DACH2: variants seen among roughly 807,000 people sequenced by gnomAD.
DACH2 encodes the protein dachshund homolog 2.
A neutral mutation model predicts 35.8 loss-of-function variants in DACH2; 17 were observed. The observed-to-expected ratio is 0.48, with a 90% CI of 0.33 to 0.71. DACH2 has a LOEUF of 0.71. Ranked by LOEUF, DACH2 falls within the 30% of genes least tolerant of loss-of-function variation. DACH2 has a pLI of 0.02. For missense variants in DACH2, 469 were observed against 472.7 expected (o/e 0.99, Z 0.07); for synonymous variants, 195 against 177.3 (o/e 1.10, Z -0.79).
chrX:86,653,025 G>C (rs762832686), intron 4 of DACH2, among the ~76,000 whole-genome samples: 1 of 111,803 alleles, frequency 8.9e-6, no homozygotes, highest in Non-Finnish European at 1.9e-5. Flanking sequence ...GTCCAAAATG[G>C]TATTTCCTAG....
intron 7 of DACH2, among the ~76,000 whole-genome samples, chrX:86,761,106 C>T (rs1396432119): frequency 9.0e-6 from 1 of 111,071 alleles, no homozygotes; most frequent in African/African-American, 3.3e-5. Flanking sequence ...TATACATGTG[C>T]CATGGTGGTT....
intron 2 of DACH2, among the ~76,000 whole-genome samples, chrX:86,488,405 T>C (rs183456642): frequency 9.0e-6 from 1 of 111,093 alleles, no homozygotes; most frequent in East Asian, 2.8e-4. Context: ...TTTAATATTC[T>C]TGGATTATTT....
intron 1 of DACH2, among the ~76,000 whole-genome samples, chrX:86,349,663 T>G (rs1309973053): frequency 8.9e-6 from 1 of 112,338 alleles, no homozygotes; most frequent in East Asian, 2.8e-4. Context: ...CAAGAACAAG[T>G]TGAGCTTTCC....
At chrX:86,457,389 T>C (rs756369305) in intron 2 of DACH2, among the ~76,000 whole-genome samples, 2 of 112,037 alleles carry the variant, frequency 1.8e-5, no homozygotes, top group African/African-American at 6.5e-5. Flanking sequence ...TTATGACTGA[T>C]TTAGAGCAGC....
At chrX:86,462,100 A>G in intron 2 of DACH2, among the ~76,000 whole-genome samples, 1 of 111,173 alleles carries the variant, frequency 9.0e-6, no homozygotes, top group Non-Finnish European at 1.9e-5. Context: ...GGATACAGAA[A>G]ACCGTTGTTG....
rs1168480603 is a variant in DACH2 at position 86,686,119 on chromosome X, A to G, written c.773-8902A>G. Among the ~76,000 whole-genome samples, 26 of 112,604 alleles carry G rather than the reference A, an allele frequency of 2.3e-4. 1 individual carries two copies. Among genetic ancestry groups the G allele is most frequent in the Non-Finnish European group, 7.5e-5 (4 of 53,353 alleles). On this transcript the variant is annotated intron_variant, in intron 4 of 11. Transcript: ENST00000373125. ...TCAACTTGCAATACTTACACTAGCAAGAAATGAATTCAAATTTCCAAAAAG... is the reference window on the plus strand; with the variant it reads ...TCAACTTGCAATACTTACACTAGCAGGAAATGAATTCAAATTTCCAAAAAG...
chrX:86,773,410 A>G (rs750988035), intron 7 of DACH2, among the ~76,000 whole-genome samples: 1 of 112,024 alleles, frequency 8.9e-6, no homozygotes, highest in Non-Finnish European at 1.9e-5. Flanking sequence ...AAATTCTGAC[A>G]GAATGAAGTG....
chrX:86,434,549 T>A (rs780923447), intron 2 of DACH2, among the ~76,000 whole-genome samples: 1 of 111,892 alleles, frequency 8.9e-6, no homozygotes, highest in East Asian at 2.8e-4. Flanking sequence ...TTATTTAAAC[T>A]CATTTTGCAA....
At chrX:86,825,944 G>T (rs982341518) in intron 11 of DACH2, among the ~76,000 whole-genome samples, 1 of 111,797 alleles carries the variant, frequency 8.9e-6, no homozygotes, top group Non-Finnish European at 1.9e-5. Flanking sequence ...CATAATACTT[G>T]CCTATTCTTC....
At chrX:86,471,333 A>ATT (rs2037757711) in intron 2 of DACH2, among the ~76,000 whole-genome samples, 1 of 111,590 alleles carries the variant, frequency 9.0e-6, no homozygotes, top group Non-Finnish European at 1.9e-5. Flanking sequence ...ATTACTGAGT[A>ATT]ACATAGACTA....
At chrX:86,623,877 G>A (rs2040097777) in intron 3 of DACH2, among the ~76,000 whole-genome samples, 1 of 97,267 alleles carries the variant, frequency 1.0e-5, no homozygotes, top group Admixed American at 1.1e-4. Flanking sequence ...GTGAAACCCC[G>A]TCTCTACTAA....
chrX:86,511,672 C>T (rs1471722828), intron 2 of DACH2, among the ~76,000 whole-genome samples: 1 of 111,730 alleles, frequency 9.0e-6, no homozygotes, highest in African/African-American at 3.2e-5. Context: ...ACCACACACA[C>T]GCTTAATGGG....
intron 7 of DACH2, among the ~76,000 whole-genome samples, chrX:86,803,033 G>T (rs1427602762): frequency 1.8e-5 from 2 of 112,215 alleles, no homozygotes; most frequent in African/African-American, 6.5e-5. Context: ...GTTTTCTGGA[G>T]AAGGGACTTG....
chrX:86,523,038 A>G (rs950605650), intron 3 of DACH2, among the ~76,000 whole-genome samples: 2 of 111,968 alleles, frequency 1.8e-5, no homozygotes, highest in South Asian at 7.4e-4. Context: ...AGGAAGAAAT[A>G]AAGTGCTTCA....
At chrX:86,216,804 C>A (rs1480462824) in intron 1 of DACH2, among the ~76,000 whole-genome samples, 1 of 111,257 alleles carries the variant, frequency 9.0e-6, no homozygotes, top group East Asian at 2.8e-4. Context: ...ACATTGAAAA[C>A]AAACAGGAGG....
At chrX:86,174,186 G>A (rs2031227270) in intron 1 of DACH2, among the ~76,000 whole-genome samples, 1 of 97,044 alleles carries the variant, frequency 1.0e-5, no homozygotes, top group African/African-American at 3.8e-5. Context: ...GCAGTGGCAT[G>A]ATCATCGCTA....
chrX:86,150,394 T>C (rs2030323392), intron 1 of DACH2, among the ~76,000 whole-genome samples: 1 of 112,627 alleles, frequency 8.9e-6, no homozygotes, highest in South Asian at 3.6e-4. Flanking sequence ...GTTTGCCACA[T>C]CTGTTGTAAA....
chrX:86,694,323 T>C (rs1449301784), intron 4 of DACH2, among the ~76,000 whole-genome samples: 1 of 112,559 alleles, frequency 8.9e-6, no homozygotes, highest in Non-Finnish European at 1.9e-5. Flanking sequence ...TGTGTTTGTT[T>C]TCCATATGGT....
chrX:86,766,720 A>G (rs184403819), intron 7 of DACH2, among the ~76,000 whole-genome samples: 18 of 112,170 alleles, frequency 1.6e-4, no homozygotes, highest in African/African-American at 5.5e-4. Context: ...AGGCCCAATT[A>G]CTGGAATATT....
Sources: allele counts gnomAD v4.1 joint callset (sites outside exome capture counted in the v4.1 genomes callset), GRCh38; gene constraint gnomAD v4.1.1; transcripts MANE v1.5; gene names NCBI Gene and HGNC (gene_info 2026-07-23, HGNC 2026-07-21).